The following YIPF2 variants were observed in gnomAD, a reference collection of about 807,000 sequenced individuals.
YIPF2 encodes the protein protein YIPF2.
In YIPF2, 30 loss-of-function variants were observed where a neutral mutation model predicts 38.8. The ratio of observed to expected loss-of-function variants is 0.77; its 90% confidence interval spans 0.58 to 1.05. YIPF2 has a LOEUF of 1.05. Ranked by LOEUF, YIPF2 falls within the 50% of genes least tolerant of loss-of-function variation. YIPF2 has a pLI of 0.00. For synonymous variants in YIPF2, 194 were observed against 183.8 expected, an observed-to-expected ratio of 1.06 and a Z score of -0.45; for missense variants, 401 against 409.7, an observed-to-expected ratio of 0.98 and a Z score of 0.18.
intron 4 of YIPF2, 136 bp from the exon 5 acceptor site, chr19:10,925,909 T>A: frequency 1.7e-6 from 1 of 581,656 alleles, no homozygotes; most frequent in Non-Finnish European, 2.7e-6. Context: ...CCCTCTCTTT[T>A]TTTTTTTTTT....
chr19:10,928,322 G>T, intron 2 of YIPF2, 58 bp downstream of exon 2: 8 of 1,336,058 alleles, frequency 6.0e-6, no homozygotes, highest in Non-Finnish European at 7.7e-6. Context: ...CCGTATCGGG[G>T]GGAGGTTCTG....
Position 10,925,676 on chromosome 19 carries a change from C to A in YIPF2, c.367+10G>T. 6.2e-7 allele frequency: 1 copy of A among 1,613,958 alleles called. No individual in the cohort carries two copies. Among genetic ancestry groups the A allele is most frequent in the Non-Finnish European group, 8.5e-7 (1 of 1,179,954 alleles). On this transcript the variant is annotated intron_variant, in intron 5 of 9. Coordinates refer to ENST00000586748, the MANE Select transcript of YIPF2 (RefSeq NM_001321439.2). ...ATCCATCAAGGAACCAAATGCACAA[C>A]CTCACTCACCATACAGATCCGGCCG...
rs982891072 is a variant in YIPF2 at position 10,922,543 on chromosome 19, T to A, written c.*651A>T. On this transcript the variant is annotated 3_prime_UTR_variant, in exon 10 of 10. Coordinates refer to ENST00000586748, the MANE Select transcript of YIPF2 (RefSeq NM_001321439.2). ...GGAGGGAAGGCCACTGCCGGCCACTTGGGGCAGACACAGACACCTCAAGGA... is the reference window on the plus strand; with the variant it reads ...GGAGGGAAGGCCACTGCCGGCCACTAGGGGCAGACACAGACACCTCAAGGA... 2.2e-5 allele frequency: 3 copies of A among 134,092 alleles called. No individual in the cohort carries two copies. The highest frequency in any genetic ancestry group is 8.4e-5 in the African/African-American group (3 of 35,514). The allele number at this position is 134,092 out of a possible 1,614,324, so 8.3% of individuals were successfully genotyped here. A position where few individuals can be genotyped will look rare whatever the true frequency, so the allele number is the denominator to read the frequency against.
rs201940526 is a variant in YIPF2, at chr19:10,924,004, G to C, written c.485-5C>G. ...TGCTGATGCCTGCCACGGTCACTGG[G>C]GGGGGCAAGGTGAGCAGTCACCCCC... On this transcript the variant is annotated splice_polypyrimidine_tract_variant and splice_region_variant and intron_variant, in intron 6 of 9. Coordinates refer to ENST00000586748, the MANE Select transcript of YIPF2 (RefSeq NM_001321439.2). 1.1e-5 allele frequency: 17 copies of C among 1,610,772 alleles called. No homozygotes were observed. The highest frequency in any genetic ancestry group is 3.3e-5 in the Admixed American group (2 of 59,918).
At chr19:10,927,767 G>A in intron 3 of YIPF2, 32 bp downstream of exon 3, 1 of 1,609,792 alleles carries the variant, frequency 6.2e-7, no homozygotes, top group Non-Finnish European at 8.5e-7. Flanking sequence ...GGTCAGCTGG[G>A]GGCTGCAAGG....
chr19:10,928,631 G>T lies in YIPF2; in HGVS notation c.-151C>A, dbSNP rs778370998. ...TGGCTGGGGCTCTCTGCGCCTGCGC[G>T]TCTCGCCTACCCGTCAGACTCCAAC... On this transcript the variant is annotated 5_prime_UTR_variant, in exon 1 of 10. Coordinates refer to ENST00000586748, the MANE Select transcript of YIPF2 (RefSeq NM_001321439.2). The T allele has an allele frequency of 7.2e-6, 6 of 835,276 alleles. No individual in the cohort carries two copies. The highest frequency in any genetic ancestry group is 1.0e-5 in the Non-Finnish European group (6 of 579,908). The allele number at this position is 835,276 out of a possible 1,614,324, so 51.7% of individuals were successfully genotyped here. A position where few individuals can be genotyped will look rare whatever the true frequency, so the allele number is the denominator to read the frequency against.
intron 2 of YIPF2, 42 bp downstream of exon 2, chr19:10,928,338 G>C (rs1430635803): frequency 1.5e-6 from 2 of 1,332,514 alleles, no homozygotes; most frequent in Non-Finnish European, 1.9e-6. Context: ...TTCTGGCCCG[G>C]GGCGGGAGTG....
At position 10,927,925 on chromosome 19, in the gene YIPF2, G is replaced by T; in HGVS notation, c.66C>A (p.Thr22=). The change falls in exon 3 of 10, where the codon ACC becomes ACA. Residue 22 remains threonine (T), a synonymous_variant. Coordinates refer to ENST00000586748, the MANE Select transcript of YIPF2 (RefSeq NM_001321439.2). The part of the protein sequence containing the change: ...FEEATNLLAD[T]PDAATTSRSD... Reference sequence around the variant, plus strand: ...TTCTGCTGGTGGTGGCTGCATCTGGGGTGTCAGCCAGAAGATTAGTGGCCT... The same window carrying T: ...TTCTGCTGGTGGTGGCTGCATCTGGTGTGTCAGCCAGAAGATTAGTGGCCT... The T allele has an allele frequency of 6.2e-7, 1 of 1,610,350 alleles. No individual in the cohort carries two copies. The highest frequency in any genetic ancestry group is 1.1e-5 in the South Asian group (1 of 91,026).
At position 10,925,741 on chromosome 19, in the gene YIPF2, G is replaced by A. The variant is rs2083413188; in HGVS notation, c.312C>T (p.Pro104=). 2 of 1,613,890 alleles carry A rather than the reference G, an allele frequency of 1.2e-6. No homozygotes were observed. Among genetic ancestry groups the A allele is most frequent in the Admixed American group, 1.7e-5 (1 of 59,998 alleles). Reference sequence around the variant, plus strand: ...GCCGCACAAAGTTGTGGCCAGGCCGGGGCAGCAGTGAGCCTTTGATCCGGT... The same window carrying A: ...GCCGCACAAAGTTGTGGCCAGGCCGAGGCAGCAGTGAGCCTTTGATCCGGT... ...VLDRIKGSLL[P]RPGHNFVRHH... is the part of the protein sequence containing the mutation. The change falls in exon 5 of 10, where the codon CCC becomes CCT. Residue 104 remains proline (P), a synonymous_variant. Coordinates refer to ENST00000586748, the MANE Select transcript of YIPF2 (RefSeq NM_001321439.2).
intron 5 of YIPF2, among the ~76,000 whole-genome samples, chr19:10,924,751 A>G (rs2083394064): frequency 6.7e-6 from 1 of 149,248 alleles, no homozygotes; most frequent in Non-Finnish European, 1.5e-5. Context: ...TCCGCTCCTA[A>G]CCTCCCACTC....
chr19:10,923,453 C>G (rs201077340), intron 8 of YIPF2, 42 bp downstream of exon 8: 15 of 1,613,050 alleles, frequency 9.3e-6, no homozygotes, highest in South Asian at 6.6e-5. Context: ...CCCATGCCCC[C>G]CTAGCCCCTC....
chr19:10,923,094 T>C lies in YIPF2; in HGVS notation c.*100A>G, dbSNP rs2074288042. 1.9e-6 allele frequency: 1 copy of C among 538,388 alleles called. No individual in the cohort carries two copies. The highest frequency in any genetic ancestry group is 3.2e-6 in the Non-Finnish European group (1 of 309,730). The allele number at this position is 538,388 out of a possible 1,614,324, so 33.4% of individuals were successfully genotyped here. ...AAGAAAAGTCTGGAAAGTAGCAGAA[T>C]CATCTCAAGGTGTCAAAGGAGCCTT... On this transcript the variant is annotated 3_prime_UTR_variant, in exon 10 of 10. Coordinates refer to ENST00000586748, the MANE Select transcript of YIPF2 (RefSeq NM_001321439.2).
chr19:10,925,561 C>T, intron 5 of YIPF2, 125 bp downstream of exon 5: 2 of 1,157,218 alleles, frequency 1.7e-6, no homozygotes, highest in Non-Finnish European at 2.5e-6. Flanking sequence ...CTCTGTCTCC[C>T]TGAACAGCAG....
chr19:10,927,685 G>GGCT lies in YIPF2; in HGVS notation c.221_223dup (p.Gln74dup), dbSNP rs757352556. 2.2e-5 allele frequency: 36 copies of GGCT among 1,613,392 alleles called. No homozygotes were observed. The Admixed American group carries it at 3.5e-4, about 16-fold the overall frequency. ...ATAGTAGCTGAAGGTCCAGAATCCC[G>GGCT]GCTGCTGCTGCTGCTGCTGCTCCTG... is the stretch of plus-strand genomic sequence containing the variant. On this transcript the variant is annotated inframe_insertion, in exon 4 of 10. Transcript: ENST00000586748.
chr19:10,928,475 C>CT (rs2083461653), intron 1 of YIPF2, 35 bp from the exon 2 acceptor site: 4 of 1,358,528 alleles, frequency 2.9e-6, no homozygotes, highest in Non-Finnish European at 1.9e-6. Flanking sequence ...CACTTCCCCC[C>CT]CGCCCCCGAG....
chr19:10,927,268 T>G (rs2083440587), intron 4 of YIPF2, among the ~76,000 whole-genome samples: 1 of 152,174 alleles, frequency 6.6e-6, no homozygotes, highest in Non-Finnish European at 1.5e-5. Flanking sequence ...CCCCCTTAAG[T>G]GCTGGGATTA....
At chr19:10,926,252 A>C (rs2083424066) in intron 4 of YIPF2, among the ~76,000 whole-genome samples, 1 of 138,756 alleles carries the variant, frequency 7.2e-6, no homozygotes, top group Non-Finnish European at 1.5e-5. Context: ...TTTGAGACGG[A>C]GTCTCGCTCT....
rs976517800 is a variant in YIPF2 at position 10,924,010 on chromosome 19, C to G, written c.485-11G>C. 6 of 1,611,614 alleles carry G rather than the reference C, an allele frequency of 3.7e-6. No individual in the cohort carries two copies. The highest frequency in any genetic ancestry group is 1.7e-4 in the Middle Eastern group (1 of 6,046). On this transcript the variant is annotated splice_polypyrimidine_tract_variant and intron_variant, in intron 6 of 9. Transcript: ENST00000586748. Reference sequence around the variant, plus strand: ...TGCCTGCCACGGTCACTGGGGGGGGCAAGGTGAGCAGTCACCCCCTGTACC... The same window carrying G: ...TGCCTGCCACGGTCACTGGGGGGGGGAAGGTGAGCAGTCACCCCCTGTACC...
Position 10,923,688 on chromosome 19 carries a change from C to T in YIPF2, c.652-11G>A, listed in dbSNP as rs769115006. On this transcript the variant is annotated splice_polypyrimidine_tract_variant and intron_variant, in intron 7 of 9. Coordinates refer to ENST00000586748, the MANE Select transcript of YIPF2 (RefSeq NM_001321439.2). ...GATGAGCCACAGGACCTGGGAGCAA[C>T]ACGGCGGCAGGTGACCATGCCAGTC... The T allele has an allele frequency of 3.3e-5, 53 of 1,598,938 alleles. No individual in the cohort carries two copies. The highest frequency in any genetic ancestry group is 4.4e-5 in the Non-Finnish European group (52 of 1,170,214).
Sources: gnomAD v4.1 joint callset for allele counts (sites outside exome capture counted in the v4.1 genomes callset) on GRCh38, gnomAD v4.1.1 for gene constraint, MANE v1.5 for transcripts, NCBI Gene and HGNC (gene_info 2026-07-23, HGNC 2026-07-21) for gene names.